Variants in PARPBP observed in about 807,000 individuals in gnomAD.
The protein encoded by PARPBP is PARP1 binding protein.
In PARPBP, 52 loss-of-function variants were observed where a neutral mutation model predicts 50.0. The observed-to-expected ratio is 1.04, with a 90% CI of 0.83 to 1.31. The LOEUF (loss-of-function observed/expected upper bound fraction) is 1.31, where lower values mean the gene tolerates loss of function less well. PARPBP is among the 50% of genes most tolerant of loss of function. PARPBP has a pLI of 0.00. For synonymous variants in PARPBP, 244 were observed against 232.1 expected (o/e 1.05, Z -0.47); for missense variants, 697 against 672.0 (o/e 1.04, Z -0.41).
intron 2 of PARPBP, among the ~76,000 whole-genome samples, chr12:102,146,656 A>G (rs1476835185): frequency 4.6e-5 from 7 of 151,714 alleles, no homozygotes; most frequent in African/African-American, 1.7e-4. Flanking sequence ...CATAGGCATG[A>G]GCAAGGACTT....
chr12:102,195,069 CA>C (rs146804709), intron 9 of PARPBP, among the ~76,000 whole-genome samples: 7 of 143,844 alleles, frequency 4.9e-5, no homozygotes, highest in African/African-American at 1.0e-4. Flanking sequence ...TAACTGTTAC[CA>C]AAAAAAAAAT....
At chr12:102,190,824 A>G (rs878870927) in intron 9 of PARPBP, among the ~76,000 whole-genome samples, 3 of 152,090 alleles carry the variant, frequency 2.0e-5, no homozygotes. Flanking sequence ...GGTATATTTG[A>G]AGGTTATCAG....
In PARPBP at chr12:102,164,823, TA is replaced by T. The variant is rs1887973342; in HGVS notation, c.666+216del. 5.2e-6 allele frequency: 3 copies of T among 580,814 alleles called. No individual in the cohort carries two copies. In the South Asian group the frequency reaches 6.0e-5, roughly 12 times the overall value. The allele number at this position is 580,814 out of a possible 1,614,324, so 36.0% of individuals were successfully genotyped here. A position where few individuals can be genotyped will look rare whatever the true frequency, so the allele number is the denominator to read the frequency against. ...GCAGTGTTTCCTTACATATGTTCTG[TA>T]TAGTGCTAGCCCTGATAAATTCTCT... On this transcript the variant is annotated intron_variant, in intron 5 of 10. Coordinates refer to ENST00000327680, the MANE Select transcript of PARPBP (RefSeq NM_017915.5).
chr12:102,169,978 A>G (rs1888527375), intron 6 of PARPBP, among the ~76,000 whole-genome samples: 1 of 152,222 alleles, frequency 6.6e-6, no homozygotes, highest in South Asian at 2.1e-4. Context: ...GAAAAATTAC[A>G]GTAATGTTTG....
At chr12:102,190,887 G>C (rs1046759116) in intron 9 of PARPBP, among the ~76,000 whole-genome samples, 2 of 152,140 alleles carry the variant, frequency 1.3e-5, no homozygotes, top group Non-Finnish European at 2.9e-5. Context: ...GGGTTCCTTT[G>C]TGTGTGTTTG....
chr12:102,159,714 G>A (rs1448487123), intron 4 of PARPBP, among the ~76,000 whole-genome samples: 1 of 151,704 alleles, frequency 6.6e-6, no homozygotes, highest in Non-Finnish European at 1.5e-5. Context: ...AATCTACTAA[G>A]TATCTTAGTT....
chr12:102,153,569 C>T (rs138145147), intron 3 of PARPBP, among the ~76,000 whole-genome samples: 28 of 152,252 alleles, frequency 1.8e-4, no homozygotes, highest in African/African-American at 2.6e-4. Flanking sequence ...CTTGAACTCC[C>T]GGGCTCCAGC....
intron 4 of PARPBP, among the ~76,000 whole-genome samples, chr12:102,154,228 T>C (rs1886586958): frequency 6.6e-6 from 1 of 152,172 alleles, no homozygotes. Flanking sequence ...AGGAAAGTAA[T>C]TGAAGGTCCA....
intron 2 of PARPBP, among the ~76,000 whole-genome samples, chr12:102,132,284 T>C (rs1346153457): frequency 1.3e-5 from 2 of 151,444 alleles, no homozygotes; most frequent in African/African-American, 4.8e-5. Context: ...CCTGCACATA[T>C]ACCCCTGAAC....
Position 102,182,573 on chromosome 12 carries a change from G to T in PARPBP, c.1209G>T (p.Ser403=), listed in dbSNP as rs756097326. 1.2e-6 allele frequency: 2 copies of T among 1,609,120 alleles called. No homozygotes were observed. Among genetic ancestry groups the T allele is most frequent in the Non-Finnish European group, 1.7e-6 (2 of 1,177,748 alleles). The change falls in exon 9 of 11, where the codon TCG becomes TCT. Residue 403 remains serine (S), a synonymous_variant. Coordinates refer to ENST00000327680, the MANE Select transcript of PARPBP (RefSeq NM_017915.5). ...GGTCTCCCACACAGGTGAATAATTC[G>T]ATAAAACCCCTAAGAGAACGCATCT... The part of the protein sequence containing the change: ...LFRSPTQVNN[S]IKPLRERICV...
intron 2 of PARPBP, among the ~76,000 whole-genome samples, chr12:102,137,043 C>T (rs1883746469): frequency 6.6e-6 from 1 of 152,082 alleles, no homozygotes; most frequent in Non-Finnish European, 1.5e-5. Context: ...TAAACTCCGC[C>T]TCCTGGGTTC....
At chr12:102,160,982 A>G (rs1005428634) in intron 4 of PARPBP, among the ~76,000 whole-genome samples, 1 of 151,704 alleles carries the variant, frequency 6.6e-6, no homozygotes, top group Non-Finnish European at 1.5e-5. Flanking sequence ...TCAGAAAACT[A>G]TATTATACAT....
intron 4 of PARPBP, among the ~76,000 whole-genome samples, chr12:102,155,956 C>T (rs962925122): frequency 1.3e-5 from 2 of 152,140 alleles, no homozygotes; most frequent in African/African-American, 4.8e-5. Context: ...CTGGGTTCCA[C>T]GGTTCTCTTC....
chr12:102,124,444 C>T (rs1054244762), intron 2 of PARPBP, among the ~76,000 whole-genome samples: 19 of 152,124 alleles, frequency 1.2e-4, no homozygotes, highest in African/African-American at 4.6e-4. Context: ...CTGGAAACTG[C>T]CTTTAAAAAA....
At chr12:102,149,680 T>C (rs1885924336) in intron 3 of PARPBP, among the ~76,000 whole-genome samples, 1 of 152,184 alleles carries the variant, frequency 6.6e-6, no homozygotes, top group Non-Finnish European at 1.5e-5. Context: ...AAAAGCTCTA[T>C]TACTAGGGAA....
At chr12:102,138,284 T>C (rs1883987009) in intron 2 of PARPBP, among the ~76,000 whole-genome samples, 1 of 152,270 alleles carries the variant, frequency 6.6e-6, no homozygotes, top group East Asian at 1.9e-4. Flanking sequence ...CTTGTGTCTT[T>C]TGGGTGCATA....
rs1336413512 is a variant in PARPBP, at chr12:102,196,086, A to T, written c.1535A>T (p.Gln512Leu). 6.2e-7 allele frequency: 1 copy of T among 1,612,198 alleles called. No homozygotes were observed. The highest frequency in any genetic ancestry group is 8.5e-7 in the Non-Finnish European group (1 of 1,178,792). ...QTGNKSSKRK[Q>L]VDLDGENILC... ...GGAAATAAAAGCTCAAAAAGGAAAC[A>T]GGTGGATTTGGATGGTGAAAATATT... The change falls in exon 11 of 11, where the codon CAG (glutamine) becomes CTG (leucine). Residue 512 changes from glutamine to leucine, a missense_variant. Transcript: ENST00000327680.
chr12:102,147,951 G>A (rs1328634698), intron 2 of PARPBP, among the ~76,000 whole-genome samples: 1 of 151,986 alleles, frequency 6.6e-6, no homozygotes, highest in Non-Finnish European at 1.5e-5. Context: ...GAAATTTGAC[G>A]AATTTCAAGA....
chr12:102,151,784 C>T (rs1886242211), intron 3 of PARPBP: 2 of 1,535,274 alleles, frequency 1.3e-6, no homozygotes, highest in South Asian at 1.2e-5. Flanking sequence ...AAGAAGCTGG[C>T]AGCTGTCATG....
Sources: gnomAD v4.1 joint callset for allele counts (sites outside exome capture counted in the v4.1 genomes callset) on GRCh38, gnomAD v4.1.1 for gene constraint, MANE v1.5 for transcripts, NCBI Gene and HGNC (gene_info 2026-07-23, HGNC 2026-07-21) for gene names.